Variants in DIS3L2 observed in about 807,000 individuals in gnomAD.
DIS3L2 encodes the protein DIS3-like exonuclease 2.
In DIS3L2, 34 loss-of-function variants were observed where a neutral mutation model predicts 97.5. That is an observed-to-expected ratio of 0.35 (90% CI 0.27 to 0.46). The LOEUF (loss-of-function observed/expected upper bound fraction) is 0.46, where lower values mean the gene tolerates loss of function less well. Among genes scored for constraint, DIS3L2 ranks in the 20% least tolerant of loss-of-function variants. The pLI is 1.00. For synonymous variants in DIS3L2, 435 were observed against 445.2 expected (o/e 0.98, Z 0.29); for missense variants, 1,038 against 1,146.0 (o/e 0.91, Z 1.36).
At chr2:232,165,400 G>C (rs1376661091) in intron 9 of DIS3L2, among the ~76,000 whole-genome samples, 1 of 152,104 alleles carries the variant, frequency 6.6e-6, no homozygotes, top group Non-Finnish European at 1.5e-5. Flanking sequence ...TATATGCATA[G>C]AAAAAGGCCT....
chr2:232,322,078 C>T (rs544197670), intron 14 of DIS3L2, among the ~76,000 whole-genome samples: 180 of 152,336 alleles, frequency 1.2e-3, no homozygotes, highest in Non-Finnish European at 2.2e-3. Flanking sequence ...ATGGTAGTGA[C>T]GTAGCTGACT....
chr2:232,161,732 A>T (rs1690658626), intron 8 of DIS3L2, among the ~76,000 whole-genome samples: 1 of 151,962 alleles, frequency 6.6e-6, no homozygotes, highest in Non-Finnish European at 1.5e-5. Flanking sequence ...TGGCCTCCCA[A>T]AGTGATGGGA....
chr2:231,992,317 A>G (rs2106192478), intron 1 of DIS3L2, among the ~76,000 whole-genome samples: 1 of 152,106 alleles, frequency 6.6e-6, no homozygotes, highest in South Asian at 2.1e-4. Context: ...ATGTGCAGGG[A>G]GCTTGAAGAG....
rs367857302 is a variant in DIS3L2, at chr2:232,210,417, A to G, written c.1204+12A>G. Reference sequence around the variant, plus strand: ...GCCACTCGCTGACGGTAGGATGGAAATTTCTATAGCATCTTGGGTAGCAGG... The same window carrying G: ...GCCACTCGCTGACGGTAGGATGGAAGTTTCTATAGCATCTTGGGTAGCAGG... On this transcript the variant is annotated intron_variant, in intron 10 of 20. Coordinates refer to ENST00000325385, the MANE Select transcript of DIS3L2 (RefSeq NM_152383.5). 5 of 1,611,446 alleles carry G rather than the reference A, an allele frequency of 3.1e-6. No homozygotes were observed. In the African/African-American group the frequency reaches 4.0e-5, roughly 13 times the overall value.
At chr2:232,309,163 A>G (rs1299294424) in intron 14 of DIS3L2, among the ~76,000 whole-genome samples, 1 of 152,170 alleles carries the variant, frequency 6.6e-6, no homozygotes, top group Non-Finnish European at 1.5e-5. Context: ...GCTGAGCCAC[A>G]ACTTTGTACC....
intron 4 of DIS3L2, among the ~76,000 whole-genome samples, chr2:232,026,514 C>T (rs1022392244): frequency 1.7e-4 from 26 of 152,118 alleles, no homozygotes; most frequent in African/African-American, 6.0e-4. Flanking sequence ...TTAGAAATAC[C>T]TGCCATTGAG....
At position 232,250,022 on chromosome 2, in the gene DIS3L2, C is replaced by G. The variant is rs375848548; in HGVS notation, c.1425+676C>G. The stretch of plus-strand genomic sequence containing the variant: ...TGCCTGTCGTCGGGATGTGCCTATG[C>G]GTATCATAGGGAACGGCAGGAGAGA... On this transcript the variant is annotated intron_variant, in intron 12 of 20. Transcript: ENST00000325385. Among the ~76,000 whole-genome samples the G allele has an allele frequency of 5.9e-5, 9 of 152,196 alleles. No homozygotes were observed. The East Asian group carries it at 1.5e-3, about 26-fold the overall frequency.
intron 9 of DIS3L2, among the ~76,000 whole-genome samples, chr2:232,195,792 A>C (rs1040152150): frequency 6.6e-6 from 1 of 152,146 alleles, no homozygotes; most frequent in Non-Finnish European, 1.5e-5. Context: ...AATGTTATCC[A>C]TAGGAGCAAT....
At chr2:232,176,675 G>A (rs1024580417) in intron 9 of DIS3L2, among the ~76,000 whole-genome samples, 1 of 151,438 alleles carries the variant, frequency 6.6e-6, no homozygotes, top group African/African-American at 2.4e-5. Context: ...TACAACCTCC[G>A]CCTTCCAGGC....
exon 14 of DIS3L2, chr2:232,343,881 T>TG: frequency 3.4e-6 from 1 of 290,284 alleles, no homozygotes. Flanking sequence ...GAGGATATTC[T>TG]GAAAGGATTT....
At chr2:232,341,014 C>T (rs1696091608), downstream of DIS3L2, 1 of 453,604 alleles carries the variant, frequency 2.2e-6, no homozygotes, top group African/African-American at 2.0e-5. Flanking sequence ...GGAGGTTGCT[C>T]CAAAAAGTTC....
chr2:232,290,717 G>T (rs543419571), intron 13 of DIS3L2, among the ~76,000 whole-genome samples: 1 of 152,214 alleles, frequency 6.6e-6, no homozygotes, highest in Non-Finnish European at 1.5e-5. Flanking sequence ...AAGGTGCAGC[G>T]CAGTCAGGAG....
chr2:232,163,243 A>G (rs1385872896), intron 8 of DIS3L2, among the ~76,000 whole-genome samples: 1 of 152,210 alleles, frequency 6.6e-6, no homozygotes, highest in Non-Finnish European at 1.5e-5. Context: ...AAATAAAAAA[A>G]GGTGAAATTA....
At chr2:232,251,198 A>T (rs2106266736) in intron 12 of DIS3L2, among the ~76,000 whole-genome samples, 1 of 152,362 alleles carries the variant, frequency 6.6e-6, no homozygotes, top group Admixed American at 6.5e-5. Context: ...AACAAACAGA[A>T]AATGAAGTAA....
intron 11 of DIS3L2, among the ~76,000 whole-genome samples, chr2:232,245,763 T>C (rs1693230058): frequency 6.6e-6 from 1 of 152,238 alleles, no homozygotes; most frequent in African/African-American, 2.4e-5. Context: ...GTGTAAGATA[T>C]AGGATACCAC....
At chr2:232,120,413 C>A (rs942908291) in intron 6 of DIS3L2, among the ~76,000 whole-genome samples, 2 of 152,104 alleles carry the variant, frequency 1.3e-5, no homozygotes, top group African/African-American at 2.4e-5. Context: ...AGATAAGTTC[C>A]CTTATCTCTA....
At chr2:232,184,844 T>C (rs1328955999) in intron 9 of DIS3L2, among the ~76,000 whole-genome samples, 1 of 152,200 alleles carries the variant, frequency 6.6e-6, no homozygotes, top group Non-Finnish European at 1.5e-5. Context: ...TGTTCTGCTT[T>C]CAGCCCTTCA....
chr2:232,320,710 C>T (rs187212420), intron 14 of DIS3L2, among the ~76,000 whole-genome samples: 19 of 152,352 alleles, frequency 1.2e-4, no homozygotes, highest in Admixed American at 2.0e-4. Flanking sequence ...TGGCACTCAA[C>T]GTTTTCTGTG....
At chr2:232,333,193 C>T (rs570201946) in intron 16 of DIS3L2, among the ~76,000 whole-genome samples, 6 of 67,130 alleles carry the variant, frequency 8.9e-5, no homozygotes, top group African/African-American at 5.7e-4. Context: ...CCTCCTCCTC[C>T]TCCTCCTCCT....
Sources: gnomAD v4.1 joint callset for allele counts (sites outside exome capture counted in the v4.1 genomes callset) on GRCh38, gnomAD v4.1.1 for gene constraint, MANE v1.5 for transcripts, NCBI Gene and HGNC (gene_info 2026-07-23, HGNC 2026-07-21) for gene names.